Variants in IL31RA observed in about 807,000 individuals in gnomAD.
IL31RA encodes the protein interleukin 31 receptor A, also known as interleukin-31 receptor subunit alpha.
A neutral mutation model predicts 83.7 loss-of-function variants in IL31RA; 66 were observed. The ratio of observed to expected loss-of-function variants is 0.79; its 90% CI spans 0.65 to 0.97. The LOEUF (loss-of-function observed/expected upper bound fraction) is 0.97. Ranked by LOEUF, IL31RA falls within the 50% of genes least tolerant of loss-of-function variation. The pLI is 0.00. For synonymous variants in IL31RA, 325 were observed against 329.0 expected, an observed-to-expected ratio of 0.99 and a Z score of 0.13; for missense variants, 798 against 919.4, an observed-to-expected ratio of 0.87 and a Z score of 1.71.
chr5:55,883,354 C>G (rs1443670521), intron 5 of IL31RA, among the ~76,000 whole-genome samples, 159 bp downstream of exon 5: 1 of 152,196 alleles, frequency 6.6e-6, no homozygotes, highest in Non-Finnish European at 1.5e-5. Flanking sequence ...ATTTTTCCAT[C>G]TGGACCTTTT....
rs945229316 is a variant in IL31RA at position 55,906,146 on chromosome 5, G to A, written c.1110G>A (p.Glu370=). The A allele has an allele frequency of 6.8e-6, 11 of 1,613,636 alleles. No individual in the cohort carries two copies. Among genetic ancestry groups the A allele is most frequent in the Non-Finnish European group, 9.3e-6 (11 of 1,180,014 alleles). Residue 370 remains glutamate (E), a synonymous_variant, in exon 9 of 15, where the codon GAG becomes GAA. Coordinates refer to ENST00000652347, the MANE Select transcript of IL31RA (RefSeq NM_139017.7). Reference sequence around the variant, plus strand: ...AGGTCATGCAGGCCTGCGTTGCTGAGGACCAGCTAGTGGTGAAGTGGCAAA... The same window carrying A: ...AGGTCATGCAGGCCTGCGTTGCTGAAGACCAGCTAGTGGTGAAGTGGCAAA... ...CIEVMQACVA[E]DQLVVKWQSS...
At chr5:55,858,770 T>C (rs112634210) in intron 1 of IL31RA, among the ~76,000 whole-genome samples, 3,072 of 152,324 alleles carry the variant, frequency 0.02, 48 homozygotes, top group Middle Eastern at 0.088. Flanking sequence ...AGCATTCTTT[T>C]TGTTCCAATA....
chr5:55,865,422 A>C (rs1432178500), intron 2 of IL31RA, among the ~76,000 whole-genome samples: 1 of 151,932 alleles, frequency 6.6e-6, no homozygotes, highest in Non-Finnish European at 1.5e-5. Flanking sequence ...GCTCTCCCTC[A>C]CCCTCATTTG....
intron 8 of IL31RA, among the ~76,000 whole-genome samples, chr5:55,905,630 A>T (rs1749102302): frequency 6.6e-6 from 1 of 152,236 alleles, no homozygotes; most frequent in Admixed American, 6.5e-5. Context: ...CCTTGAGGAT[A>T]GGAATTCATA....
At chr5:55,861,428 C>T (rs1257859740) in intron 2 of IL31RA, among the ~76,000 whole-genome samples, 6 of 152,192 alleles carry the variant, frequency 3.9e-5, no homozygotes, top group Non-Finnish European at 8.8e-5. Context: ...CATGGGAGCA[C>T]GAACCCTATT....
intron 3 of IL31RA, among the ~76,000 whole-genome samples, chr5:55,869,949 TTA>T (rs1746415955): frequency 6.6e-6 from 1 of 152,208 alleles, no homozygotes; most frequent in Non-Finnish European, 1.5e-5. Context: ...GAAGTCCACT[TTA>T]TGTTTTCAGT....
intron 2 of IL31RA, among the ~76,000 whole-genome samples, chr5:55,862,335 C>T (rs1241348848): frequency 6.6e-6 from 1 of 152,188 alleles, no homozygotes; most frequent in Non-Finnish European, 1.5e-5. Flanking sequence ...TGGCACATTA[C>T]TATTGACTAA....
intron 1 of IL31RA, among the ~76,000 whole-genome samples, chr5:55,858,228 A>G (rs533522513): frequency 1.6e-4 from 25 of 152,274 alleles, no homozygotes; most frequent in African/African-American, 4.6e-4. Flanking sequence ...TCATTGATTC[A>G]CTTATTAAGA....
At position 55,890,041 on chromosome 5, in the gene IL31RA, T is replaced by C; in HGVS notation, c.678T>C (p.Phe226=). The C allele has an allele frequency of 1.9e-6, 3 of 1,614,096 alleles. No individual in the cohort carries two copies. Among genetic ancestry groups the C allele is most frequent in the African/African-American group, 1.3e-5 (1 of 75,042 alleles). The part of the protein sequence containing the change: ...QTYNLTGLQP[F]TEYVIALRCA... ...ACAACCTCACGGGGCTGCAGCCTTT[T>C]ACAGAATATGTCATAGCTCTGCGAT... The change falls in exon 6 of 15, where the codon TTT becomes TTC. Residue 226 remains phenylalanine (F), a synonymous_variant. Transcript: ENST00000652347.
intron 11 of IL31RA, among the ~76,000 whole-genome samples, chr5:55,910,328 G>T (rs1021021132): frequency 2.0e-5 from 3 of 152,122 alleles, no homozygotes; most frequent in Non-Finnish European, 4.4e-5. Context: ...ATCCTATGCT[G>T]TCTTCTAAGA....
Position 55,900,044 on chromosome 5 carries a change from C to G in IL31RA, c.981C>G (p.Gly327=). Residue 327 remains glycine (G), a synonymous_variant, in exon 8 of 15, where the codon GGC becomes GGG. Transcript: ENST00000652347. ...AGCAGCTTGAACTGCATCTGGGAGGCGAGAGCTTTTGGGTGTCTATGATTT... is the reference window on the plus strand; with the variant it reads ...AGCAGCTTGAACTGCATCTGGGAGGGGAGAGCTTTTGGGTGTCTATGATTT... ...TNQQLELHLG[G]ESFWVSMISY... 2 of 1,614,044 alleles carry G rather than the reference C, an allele frequency of 1.2e-6. No individual in the cohort carries two copies. Among genetic ancestry groups the G allele is most frequent in the Non-Finnish European group, 1.7e-6 (2 of 1,179,948 alleles).
chr5:55,903,873 G>A lies in IL31RA; in HGVS notation c.1070-2233G>A, dbSNP rs891002095. ...AAACAACAGAACTTTATTGTCTCAT[G>A]GTCCTGGAGGCCAGAAGTCCCACAT... On this transcript the variant is annotated intron_variant, in intron 8 of 14. Transcript: ENST00000652347. The surrounding 1 kb of genome is among the most constrained non-coding windows in gnomAD (Gnocchi z 4.7). Among the ~76,000 whole-genome samples, 15 of 152,336 alleles carry A rather than the reference G, an allele frequency of 9.8e-5. No individual in the cohort carries two copies. Among genetic ancestry groups the A allele is most frequent in the African/African-American group, 3.6e-4 (15 of 41,572 alleles).
intron 8 of IL31RA, chr5:55,902,459 C>CAAAAAAA (rs59506009): frequency 9.9e-5 from 10 of 100,730 alleles, no homozygotes; most frequent in African/African-American, 3.2e-4. Flanking sequence ...CTTGTTTCTA[C>CAAAAAAA]AAAAAAAAAA....
intron 8 of IL31RA, among the ~76,000 whole-genome samples, chr5:55,904,777 C>T (rs1749029598): frequency 6.6e-6 from 1 of 152,020 alleles, no homozygotes; most frequent in Non-Finnish European, 1.5e-5. Context: ...ACCCCTGGTC[C>T]CCACCCCAGA....
intron 10 of IL31RA, 102 bp from the exon 11 acceptor site, chr5:55,908,163 C>T: frequency 6.4e-7 from 1 of 1,555,450 alleles, no homozygotes; most frequent in Non-Finnish European, 8.8e-7. Context: ...CCGTCGCCTC[C>T]AGCACTATGG....
upstream of IL31RA, among the ~76,000 whole-genome samples, chr5:55,851,101 A>G (rs78037165): frequency 4.8e-5 from 7 of 147,284 alleles, no homozygotes; most frequent in African/African-American, 1.5e-4. Flanking sequence ...GTCTCAGAAG[A>G]AAAAAAAAAA....
intron 2 of IL31RA, among the ~76,000 whole-genome samples, chr5:55,862,382 T>G (rs928036953): frequency 6.6e-6 from 1 of 152,196 alleles, no homozygotes; most frequent in Non-Finnish European, 1.5e-5. Context: ...AGTTTTTCCA[T>G]GAATGACTTC....
intron 4 of IL31RA, among the ~76,000 whole-genome samples, chr5:55,878,387 G>A (rs1002233215): frequency 2.0e-5 from 3 of 152,122 alleles, no homozygotes; most frequent in Non-Finnish European, 4.4e-5. Flanking sequence ...TACTTAAATG[G>A]GCCATGTTTT....
chr5:55,850,300 T>C (rs990310358), upstream of IL31RA, among the ~76,000 whole-genome samples: 1 of 152,296 alleles, frequency 6.6e-6, no homozygotes, highest in South Asian at 2.1e-4. Context: ...CTTCTCTCAT[T>C]ATTTCTTTCC....
Sources: gnomAD v4.1 joint callset for allele counts (sites outside exome capture counted in the v4.1 genomes callset) on GRCh38, gnomAD v4.1.1 for gene constraint, Gnocchi (gnomAD v3.1) non-coding constraint, MANE v1.5 for transcripts, NCBI Gene and HGNC (gene_info 2026-07-23, HGNC 2026-07-21) for gene names.